The following RAPGEF6 variants were observed in gnomAD, a reference collection of about 807,000 sequenced individuals.
RAPGEF6 encodes the protein Rap guanine nucleotide exchange factor 6, also known as PDZ domain containing guanine nucleotide exchange factor (GEF) 2.
RAPGEF6 carries 56 observed loss-of-function variants against 171.4 expected under a neutral mutation model. The observed-to-expected ratio is 0.33, with a 90% CI of 0.26 to 0.41. The LOEUF is 0.41. RAPGEF6 is among the 10% of genes least tolerant of loss of function. The pLI is 1.00. For missense variants in RAPGEF6, 1,674 were observed against 1,921.4 expected (o/e 0.87, Z 2.41); for synonymous variants, 692 against 650.1 (o/e 1.06, Z -0.98).
chr5:131,449,008 A>G lies in RAPGEF6; in HGVS notation c.3201-2305T>C, dbSNP rs576497604. Among the ~76,000 whole-genome samples the G allele has an allele frequency of 2.0e-5, 3 of 152,258 alleles. No homozygotes were observed. The East Asian group carries it at 5.8e-4, about 29-fold the overall frequency. On this transcript the variant is annotated intron_variant, in intron 21 of 27. Coordinates refer to ENST00000509018, the MANE Select transcript of RAPGEF6 (RefSeq NM_016340.6). ...TCACCAAGCATTAACAGAAAATAAG[A>G]CCACAAATGAGGCAAGACTCGAATA...
chr5:131,505,192 G>C (rs1757294255), intron 10 of RAPGEF6, among the ~76,000 whole-genome samples, 172 bp downstream of exon 10: 1 of 151,724 alleles, frequency 6.6e-6, no homozygotes, highest in Admixed American at 6.6e-5. Flanking sequence ...CTTATAGCTT[G>C]TTAAATGCCA....
intron 22 of RAPGEF6, 119 bp downstream of exon 22, chr5:131,446,364 T>G: frequency 1.1e-6 from 1 of 926,390 alleles, no homozygotes; most frequent in Non-Finnish European, 1.6e-6. Context: ...GCTTAAGGTA[T>G]GCCAGCAATC....
intron 7 of RAPGEF6, among the ~76,000 whole-genome samples, chr5:131,512,855 C>T (rs1484857538): frequency 6.6e-6 from 1 of 152,110 alleles, no homozygotes; most frequent in Non-Finnish European, 1.5e-5. Flanking sequence ...TTAGAAGGTA[C>T]CTCTAACAAT....
intron 19 of RAPGEF6, among the ~76,000 whole-genome samples, chr5:131,456,661 T>C (rs557961702): frequency 7.7e-4 from 118 of 152,296 alleles, no homozygotes; most frequent in Middle Eastern, 3.4e-3. Context: ...ATCACATAGG[T>C]AGGTTGCCAA....
chr5:131,564,166 A>C (rs1761780783), intron 4 of RAPGEF6, among the ~76,000 whole-genome samples: 2 of 152,310 alleles, frequency 1.3e-5, no homozygotes, highest in South Asian at 4.1e-4. Flanking sequence ...GGTGTGGATG[A>C]CAGGGGAAAG....
chr5:131,537,106 C>A (rs1228825701), intron 6 of RAPGEF6, among the ~76,000 whole-genome samples: 2 of 152,182 alleles, frequency 1.3e-5, no homozygotes, highest in Non-Finnish European at 2.9e-5. Context: ...TATTCCCCTT[C>A]CAACTGGAAC....
intron 18 of RAPGEF6, 68 bp downstream of exon 18, chr5:131,463,973 G>A (rs1754136029): frequency 6.6e-7 from 1 of 1,504,280 alleles, no homozygotes; most frequent in Admixed American, 2.3e-5. Flanking sequence ...ACTTACAATA[G>A]CTGTTTTAAC....
chr5:131,458,029 A>C (rs1753640376), intron 19 of RAPGEF6, among the ~76,000 whole-genome samples: 1 of 152,212 alleles, frequency 6.6e-6, no homozygotes, highest in Admixed American at 6.5e-5. Flanking sequence ...GGCAGAAACC[A>C]TTAGAAAACT....
At position 131,429,165 on chromosome 5, in the gene RAPGEF6, G is replaced by A. The variant is rs1218956357; in HGVS notation, c.4517C>T (p.Pro1506Leu). 2 of 1,613,628 alleles carry A rather than the reference G, an allele frequency of 1.2e-6. No individual in the cohort carries two copies. The highest frequency in any genetic ancestry group is 1.1e-5 in the South Asian group (1 of 91,074). Reference protein sequence around the residue: ...KKDDRYREPPPTPPGYLGISL... With the variant: ...KKDDRYREPPLTPPGYLGISL... ...AATCCCCAAATATCCTGGAGGAGTGGGAGGTGGCTCCCTATACCTATCGTC... is the reference window on the plus strand; with the variant it reads ...AATCCCCAAATATCCTGGAGGAGTGAGAGGTGGCTCCCTATACCTATCGTC... Residue 1506 changes from proline (P) to leucine (L), a missense_variant, in exon 27 of 28, where the codon CCC (proline) becomes CTC (leucine). Pro to Leu is a moderately conservative substitution (Grantham distance 98). Coordinates refer to ENST00000509018, the MANE Select transcript of RAPGEF6 (RefSeq NM_016340.6).
At chr5:131,549,328 T>C (rs996973709) in intron 5 of RAPGEF6, among the ~76,000 whole-genome samples, 11 of 152,148 alleles carry the variant, frequency 7.2e-5, no homozygotes, top group Admixed American at 6.5e-4. Context: ...GAGTTCTTGA[T>C]ATTACCAAAA....
intron 4 of RAPGEF6, among the ~76,000 whole-genome samples, chr5:131,591,084 A>G (rs1349729273): frequency 6.6e-6 from 1 of 152,218 alleles, no homozygotes; most frequent in Non-Finnish European, 1.5e-5. Context: ...CCAAAGGCCA[A>G]TGATGTAAAG....
Position 131,431,297 on chromosome 5 carries a change from C to G in RAPGEF6, c.4027G>C (p.Val1343Leu), listed in dbSNP as rs1289817303. 6.2e-7 allele frequency: 1 copy of G among 1,613,602 alleles called. No homozygotes were observed. Among genetic ancestry groups the G allele is most frequent in the Admixed American group, 1.7e-5 (1 of 60,020 alleles). The part of the protein sequence containing the change: ...LIKCLAVSSS[V>L]SNEEISQEHI... ...TCTTGAGAAATCTCTTCATTGCTCACAGACGATGAGACAGCTAAACACTTG... is the reference window on the plus strand; with the variant it reads ...TCTTGAGAAATCTCTTCATTGCTCAGAGACGATGAGACAGCTAAACACTTG... Residue 1343 changes from valine to leucine, a missense_variant, in exon 26 of 28, where the codon GTG (valine) becomes CTG (leucine). By Grantham distance (32) the Val-to-Leu change is conservative. Around this residue, in one of 3 missense-constraint regions of RAPGEF6, gnomAD observed 552 missense variants for 574.2 expected, o/e 0.96. Coordinates refer to ENST00000509018, the MANE Select transcript of RAPGEF6 (RefSeq NM_016340.6).
At chr5:131,603,957 T>C (rs1438124903) in intron 2 of RAPGEF6, among the ~76,000 whole-genome samples, 1 of 152,138 alleles carries the variant, frequency 6.6e-6, no homozygotes, top group Non-Finnish European at 1.5e-5. Context: ...AATTAAAATA[T>C]TATATAGTTA....
chr5:131,522,983 T>C lies in RAPGEF6; in HGVS notation c.496-1462A>G, dbSNP rs138308111. ...AACTGTTGGAAGCAAACACAAATCC[T>C]CACTATAGGAAGAAAGTCATCCTAG... On this transcript the variant is annotated intron_variant, in intron 6 of 27. Coordinates refer to ENST00000509018, the MANE Select transcript of RAPGEF6 (RefSeq NM_016340.6). Among the ~76,000 whole-genome samples the C allele has an allele frequency of 3.7e-3, 571 of 152,294 alleles. 4 individuals carry two copies. The highest frequency in any genetic ancestry group is 0.013 in the African/African-American group (541 of 41,562).
intron 11 of RAPGEF6, among the ~76,000 whole-genome samples, chr5:131,500,825 T>C (rs1756971337): frequency 6.6e-6 from 1 of 152,148 alleles, no homozygotes; most frequent in African/African-American, 2.4e-5. Context: ...TATATATTAG[T>C]ATCTCCCAGA....
intron 4 of RAPGEF6, among the ~76,000 whole-genome samples, chr5:131,585,509 TA>T (rs1187207718): frequency 6.6e-6 from 1 of 151,778 alleles, no homozygotes; most frequent in Non-Finnish European, 1.5e-5. Context: ...TTGGAGGGGC[TA>T]ATCAGAAACT....
chr5:131,603,671 G>T (rs1212830735), intron 2 of RAPGEF6, among the ~76,000 whole-genome samples: 1 of 151,960 alleles, frequency 6.6e-6, no homozygotes, highest in African/African-American at 2.4e-5. Flanking sequence ...ACAGTTACTG[G>T]CAGAGGCATG....
chr5:131,435,390 C>CA (rs1013352127), intron 24 of RAPGEF6, among the ~76,000 whole-genome samples: 3 of 152,114 alleles, frequency 2.0e-5, no homozygotes, highest in Admixed American at 2.0e-4. Flanking sequence ...TAAATAAAAA[C>CA]CTTCTTCTTG....
At chr5:131,510,129 C>T (rs988827384) in intron 8 of RAPGEF6, among the ~76,000 whole-genome samples, 185 bp downstream of exon 8, 1 of 152,132 alleles carries the variant, frequency 6.6e-6, no homozygotes, top group South Asian at 2.1e-4. Flanking sequence ...TGACAACAAC[C>T]TCATGGGAGA....
Sources: gnomAD v4.1 joint callset for allele counts (sites outside exome capture counted in the v4.1 genomes callset) on GRCh38, gnomAD v4.1.1 for gene constraint, gnomAD v4.1.1 regional missense constraint, MANE v1.5 for transcripts, NCBI Gene and HGNC (gene_info 2026-07-23, HGNC 2026-07-21) for gene names.